CNTN1: variants seen among roughly 807,000 people sequenced by gnomAD.
CNTN1 encodes contactin-1.
CNTN1 carries 38 observed loss-of-function variants against 126.4 expected under a neutral mutation model. The ratio of observed to expected loss-of-function variants is 0.30; its 90% CI spans 0.23 to 0.39. The LOEUF (loss-of-function observed/expected upper bound fraction) is 0.39, where lower values mean the gene tolerates loss of function less well. Among genes scored for constraint, CNTN1 ranks in the 10% least tolerant of loss-of-function variants. The probability of loss-of-function intolerance (pLI) is 1.00; values close to 1 mark genes in which losing one functional copy is unlikely to be tolerated. For missense variants in CNTN1, 1,009 were observed against 1,248.4 expected (o/e 0.81, Z 2.89); for synonymous variants, 413 against 422.6 (o/e 0.98, Z 0.28).
chr12:40,960,151 T>C (rs1450850257), intron 15 of CNTN1, among the ~76,000 whole-genome samples: 1 of 152,078 alleles, frequency 6.6e-6, no homozygotes, highest in Non-Finnish European at 1.5e-5. Flanking sequence ...ATAACATATA[T>C]TGCTTTCTCT....
chr12:40,959,668 T>G (rs1214080903), intron 15 of CNTN1, among the ~76,000 whole-genome samples: 1 of 152,130 alleles, frequency 6.6e-6, no homozygotes, highest in East Asian at 1.9e-4. Flanking sequence ...AATTTATACA[T>G]GTATCATGTT....
At chr12:40,994,104 G>A (rs1274342608) in intron 17 of CNTN1, among the ~76,000 whole-genome samples, 1 of 152,006 alleles carries the variant, frequency 6.6e-6, no homozygotes, top group Non-Finnish European at 1.5e-5. Flanking sequence ...AGATCTTATG[G>A]TAATCATGTC....
At chr12:40,993,527 G>T (rs1263334627) in intron 17 of CNTN1, among the ~76,000 whole-genome samples, 7 of 144,860 alleles carry the variant, frequency 4.8e-5, no homozygotes, top group African/African-American at 1.6e-4. Flanking sequence ...TATAGAGGAA[G>T]AGGTGAATAG....
intron 17 of CNTN1, among the ~76,000 whole-genome samples, chr12:41,004,527 T>C (rs1156864180): frequency 6.6e-6 from 1 of 152,182 alleles, no homozygotes; most frequent in Non-Finnish European, 1.5e-5. Context: ...CTGTCTAATA[T>C]TGTCAGTGAG....
intron 1 of CNTN1, among the ~76,000 whole-genome samples, chr12:40,710,835 T>C (rs1941894620): frequency 6.6e-6 from 1 of 152,160 alleles, no homozygotes; most frequent in Non-Finnish European, 1.5e-5. Flanking sequence ...CTTGCAAATA[T>C]ACAGGTAGAG....
chr12:40,871,398 A>G (rs1341957597), intron 1 of CNTN1, among the ~76,000 whole-genome samples: 3 of 152,084 alleles, frequency 2.0e-5, no homozygotes, highest in African/African-American at 4.8e-5. Flanking sequence ...AGATCATTCT[A>G]AGCAATTTTA....
intron 1 of CNTN1, among the ~76,000 whole-genome samples, chr12:40,737,190 T>C (rs1592029957): frequency 6.6e-6 from 1 of 151,520 alleles, no homozygotes; most frequent in Admixed American, 6.6e-5. Context: ...AACAGATGCT[T>C]GTAGCACTTC....
At chr12:40,884,604 A>C (rs945313591) in intron 1 of CNTN1, among the ~76,000 whole-genome samples, 35 of 151,460 alleles carry the variant, frequency 2.3e-4, no homozygotes, top group Admixed American at 1.3e-3. Flanking sequence ...CATCCACATA[A>C]ACATCGAGTA....
chr12:40,780,279 T>C, intron 1 of CNTN1, among the ~76,000 whole-genome samples: 1 of 151,888 alleles, frequency 6.6e-6, no homozygotes. Flanking sequence ...CCTGGGAGGA[T>C]GACAGGTGAA....
At chr12:40,765,798 A>G (rs1373109915) in intron 1 of CNTN1, among the ~76,000 whole-genome samples, 2 of 152,034 alleles carry the variant, frequency 1.3e-5, no homozygotes, top group South Asian at 2.1e-4. Flanking sequence ...AAATTCACAC[A>G]TTTATCAATC....
intron 1 of CNTN1, among the ~76,000 whole-genome samples, chr12:40,807,034 A>G (rs930965762): frequency 6.6e-6 from 1 of 152,270 alleles, no homozygotes; most frequent in East Asian, 1.9e-4. Flanking sequence ...GAGCAGCCAC[A>G]CTATACCAAG....
intron 17 of CNTN1, among the ~76,000 whole-genome samples, chr12:41,008,313 T>A (rs1948554858): frequency 6.6e-6 from 1 of 152,216 alleles, no homozygotes; most frequent in Admixed American, 6.5e-5. Context: ...CAGTAGGGTT[T>A]GTTACCTGTC....
chr12:40,826,346 T>C (rs1429549656), intron 1 of CNTN1, among the ~76,000 whole-genome samples: 1 of 152,136 alleles, frequency 6.6e-6, no homozygotes, highest in African/African-American at 2.4e-5. Flanking sequence ...ATAATATTAC[T>C]CATAGAAGAG....
intron 23 of CNTN1, among the ~76,000 whole-genome samples, chr12:41,065,462 TG>T (rs893480743): frequency 6.6e-6 from 1 of 152,180 alleles, no homozygotes; most frequent in African/African-American, 2.4e-5. Flanking sequence ...AGTTATTGAC[TG>T]GATGTAGCAA....
intron 23 of CNTN1, among the ~76,000 whole-genome samples, chr12:41,044,177 TA>T (rs1239358909): frequency 3.3e-5 from 5 of 151,510 alleles, no homozygotes; most frequent in East Asian, 1.9e-4. Flanking sequence ...AAAAATAAAA[TA>T]AAAAATTCAG....
At chr12:41,065,422 A>T (rs189371195) in intron 23 of CNTN1, among the ~76,000 whole-genome samples, 52 of 152,328 alleles carry the variant, frequency 3.4e-4, no homozygotes, top group Admixed American at 1.7e-3. Context: ...GCCAAAGATC[A>T]AACAGAAACC....
At chr12:40,847,187 C>T (rs1018283963) in intron 1 of CNTN1, among the ~76,000 whole-genome samples, 2 of 152,016 alleles carry the variant, frequency 1.3e-5, no homozygotes, top group African/African-American at 4.8e-5. Context: ...CTTGATTTGG[C>T]TACTTCTGCT....
chr12:40,989,679 T>C (rs1458474957), intron 16 of CNTN1, among the ~76,000 whole-genome samples: 2 of 152,196 alleles, frequency 1.3e-5, no homozygotes, highest in African/African-American at 2.4e-5. Flanking sequence ...ATTACATATA[T>C]ATTTTAAGCA....
chr12:40,920,920 G>C, intron 4 of CNTN1, among the ~76,000 whole-genome samples: 1 of 152,124 alleles, frequency 6.6e-6, no homozygotes, highest in East Asian at 1.9e-4. Flanking sequence ...TCCATGTGGA[G>C]GAAGGTAAGA....
Sources: gnomAD v4.1 joint callset for allele counts (sites outside exome capture counted in the v4.1 genomes callset) on GRCh38, gnomAD v4.1.1 for gene constraint, MANE v1.5 for transcripts, NCBI Gene and HGNC (gene_info 2026-07-23, HGNC 2026-07-21) for gene names.